SLC2A13: variants seen among roughly 807,000 people sequenced by gnomAD.
SLC2A13 encodes solute carrier family 2 member 13.
SLC2A13 carries 32 observed loss-of-function variants against 64.4 expected under a neutral mutation model. The observed-to-expected ratio is 0.50, with a 90% confidence interval of 0.37 to 0.67. The LOEUF is 0.67. Among genes scored for constraint, SLC2A13 ranks in the 30% least tolerant of loss-of-function variants. The pLI is 0.00. For missense variants in SLC2A13, 743 were observed against 829.2 expected, an observed-to-expected ratio of 0.90 and a Z score of 1.28; for synonymous variants, 338 against 327.1, an observed-to-expected ratio of 1.03 and a Z score of -0.36.
At chr12:39,776,758 A>G (rs1940795233) in intron 7 of SLC2A13, among the ~76,000 whole-genome samples, 2 of 151,984 alleles carry the variant, frequency 1.3e-5, no homozygotes, top group South Asian at 2.1e-4. Context: ...TAACTTTCCT[A>G]TGCACCTATA....
chr12:39,778,781 A>AACTTAAATACCAATG (rs1940869107), intron 7 of SLC2A13, among the ~76,000 whole-genome samples: 1 of 152,174 alleles, frequency 6.6e-6, no homozygotes, highest in Non-Finnish European at 1.5e-5. Context: ...AGTGGCTATC[A>AACTTAAATACCAATG]ACTTAAATAC....
chr12:40,058,796 C>G (rs565650995), intron 1 of SLC2A13, among the ~76,000 whole-genome samples: 3 of 152,076 alleles, frequency 2.0e-5, no homozygotes, highest in African/African-American at 7.2e-5. Flanking sequence ...AGCAAGATGC[C>G]GTAACTATGG....
chr12:40,080,762 T>C (rs1423504954), intron 1 of SLC2A13, among the ~76,000 whole-genome samples: 5 of 152,238 alleles, frequency 3.3e-5, no homozygotes, highest in East Asian at 1.9e-4. Context: ...AGTAGGTTGT[T>C]ATGCAGACTT....
At chr12:39,981,004 C>T (rs1404847481) in intron 3 of SLC2A13, among the ~76,000 whole-genome samples, 1 of 151,810 alleles carries the variant, frequency 6.6e-6, no homozygotes, top group Non-Finnish European at 1.5e-5. Flanking sequence ...CAAACTAGAA[C>T]TCAGGATTAA....
chr12:39,952,952 T>C (rs1181778451), intron 3 of SLC2A13, among the ~76,000 whole-genome samples: 1 of 151,704 alleles, frequency 6.6e-6, no homozygotes, highest in Non-Finnish European at 1.5e-5. Flanking sequence ...ATCAAAACTT[T>C]CAAATAAAAA....
intron 1 of SLC2A13, among the ~76,000 whole-genome samples, chr12:40,096,106 T>A (rs547374029): frequency 2.7e-5 from 4 of 150,892 alleles, no homozygotes; most frequent in African/African-American, 9.7e-5. Context: ...TTTTTTGTAC[T>A]TTTTAGTAGA....
chr12:39,849,400 A>C (rs759280548), intron 6 of SLC2A13, among the ~76,000 whole-genome samples: 1 of 152,148 alleles, frequency 6.6e-6, no homozygotes, highest in Non-Finnish European at 1.5e-5. Context: ...AATCTCACCC[A>C]CTGAAGAATG....
intron 7 of SLC2A13, among the ~76,000 whole-genome samples, chr12:39,804,959 T>C (rs1177320791): frequency 7.9e-6 from 1 of 125,880 alleles, no homozygotes; most frequent in Non-Finnish European, 1.7e-5. Context: ...CTGAAGACTT[T>C]GGCACTTGCT....
chr12:39,789,304 T>C (rs1014643518), intron 7 of SLC2A13, among the ~76,000 whole-genome samples: 1 of 152,108 alleles, frequency 6.6e-6, no homozygotes, highest in East Asian at 1.9e-4. Flanking sequence ...TAATGGATTA[T>C]TATATGATTT....
intron 3 of SLC2A13, among the ~76,000 whole-genome samples, chr12:39,994,147 CG>C (rs554695094): frequency 5.9e-5 from 9 of 151,946 alleles, no homozygotes; most frequent in Non-Finnish European, 1.2e-4. Context: ...CCCAGCACTT[CG>C]GGAGGCTGAG....
At chr12:39,934,002 A>G (rs1029991643) in intron 4 of SLC2A13, among the ~76,000 whole-genome samples, 26 of 152,232 alleles carry the variant, frequency 1.7e-4, no homozygotes, top group African/African-American at 6.3e-4. Flanking sequence ...ACTTAGTCAC[A>G]TTAGAGTAGA....
intron 1 of SLC2A13, among the ~76,000 whole-genome samples, chr12:40,067,227 G>A (rs1207851389): frequency 6.6e-6 from 1 of 152,066 alleles, no homozygotes; most frequent in Non-Finnish European, 1.5e-5. Context: ...TTAAGCAATA[G>A]GGTCCTTCGC....
rs577669072 is a variant in SLC2A13, at chr12:40,022,766, A to C, written c.925+5535T>G. ...GGCAGGGGAATCACTTGAACCCAGG[A>C]GGCAGAGGTTGCAAAGAGCCAAAAT... On this transcript the variant is annotated intron_variant, in intron 3 of 9. Coordinates refer to ENST00000280871, the MANE Select transcript of SLC2A13 (RefSeq NM_052885.4). Among the ~76,000 whole-genome samples, 71 of 152,194 alleles carry C rather than the reference A, an allele frequency of 4.7e-4. 1 individual carries two copies. The Middle Eastern group carries it at 0.01, about 22-fold the overall frequency.
intron 7 of SLC2A13, among the ~76,000 whole-genome samples, chr12:39,777,268 C>T (rs1486313998): frequency 2.0e-5 from 3 of 152,078 alleles, no homozygotes; most frequent in South Asian, 2.1e-4. Context: ...GGGAAATAGT[C>T]AATTGAAATA....
intron 3 of SLC2A13, among the ~76,000 whole-genome samples, chr12:40,019,404 G>C (rs1359449154): frequency 6.6e-6 from 1 of 152,034 alleles, no homozygotes; most frequent in Non-Finnish European, 1.5e-5. Flanking sequence ...GCATGGCACA[G>C]ATGTGGCATG....
chr12:39,830,495 G>A (rs1319492097), intron 6 of SLC2A13: 9 of 1,161,432 alleles, frequency 7.7e-6, no homozygotes, highest in Non-Finnish European at 9.6e-6. Flanking sequence ...ATGTAGAAGA[G>A]TCCCCATCAA....
intron 4 of SLC2A13, among the ~76,000 whole-genome samples, chr12:39,917,848 T>A (rs1233165103): frequency 1.3e-5 from 2 of 152,038 alleles, no homozygotes; most frequent in Non-Finnish European, 2.9e-5. Flanking sequence ...AACCTCTTCC[T>A]CTTCTCCTTT....
intron 3 of SLC2A13, among the ~76,000 whole-genome samples, chr12:39,972,050 TA>T (rs59831870): frequency 3.1e-3 from 7 of 2,284 alleles, no homozygotes; most frequent in Non-Finnish European, 6.8e-3. Context: ...AAATTATATA[TA>T]ATATATAAAA....
chr12:39,925,243 A>G (rs28755978), intron 4 of SLC2A13, among the ~76,000 whole-genome samples: 30,952 of 151,784 alleles, frequency 0.2, 3,542 homozygotes, highest in East Asian at 0.48. Context: ...CCATATCGTC[A>G]GGCTAGTCTC....
Sources: gnomAD v4.1 joint callset for allele counts (sites outside exome capture counted in the v4.1 genomes callset) on GRCh38, gnomAD v4.1.1 for gene constraint, MANE v1.5 for transcripts, NCBI Gene and HGNC (gene_info 2026-07-23, HGNC 2026-07-21) for gene names.